The following PM20D2 variants were observed in gnomAD, a reference collection of about 807,000 sequenced individuals.
The protein encoded by PM20D2 is peptidase M20 domain containing 2.
In PM20D2, 33 loss-of-function variants were observed where a neutral mutation model predicts 42.9. The observed-to-expected ratio is 0.77, with a 90% CI of 0.58 to 1.03. PM20D2 has a LOEUF of 1.03. Ranked by LOEUF, PM20D2 falls within the 50% of genes least tolerant of loss-of-function variation. The pLI is 0.00. For synonymous variants in PM20D2, 250 were observed against 228.2 expected (o/e 1.10, Z -0.86); for missense variants, 548 against 557.0 (o/e 0.98, Z 0.16).
At chr6:89,118,767 G>T in the PM20D2 span, among the ~76,000 whole-genome samples, 1 of 152,342 alleles carries the variant, frequency 6.6e-6, no homozygotes, top group South Asian at 2.1e-4. Flanking sequence ...AACAGGCCAA[G>T]CCCCGCCCTC....
the PM20D2 span, among the ~76,000 whole-genome samples, chr6:89,094,179 C>T: frequency 6.6e-6 from 1 of 151,758 alleles, no homozygotes; most frequent in Non-Finnish European, 1.5e-5. Context: ...CCTCAGCCTA[C>T]CAAAGTGCTG....
the PM20D2 span, among the ~76,000 whole-genome samples, chr6:89,125,768 A>G: frequency 0.017 from 2,309 of 139,840 alleles, 56 homozygotes; most frequent in African/African-American, 0.057. Flanking sequence ...GGGCAACAAC[A>G]GCAAAACTCT....
chr6:89,117,697 G>A, the PM20D2 span: 10 of 964,138 alleles, frequency 1.0e-5, no homozygotes, highest in Admixed American at 1.7e-4. Context: ...AAGTGGCGCA[G>A]CCTGGGCCCG....
At chr6:89,115,736 A>G in the PM20D2 span, among the ~76,000 whole-genome samples, 3 of 147,644 alleles carry the variant, frequency 2.0e-5, no homozygotes, top group African/African-American at 7.6e-5. Context: ...TCCCGGGTTC[A>G]CACCATTATC....
rs1714702944 is a variant in PM20D2 at position 89,154,766 on chromosome 6, G to T, written c.776G>T (p.Gly259Val). Residue 259 changes from glycine (G) to valine (V), a missense_variant, in exon 4 of 7, where the codon GGT becomes GTT. Gly to Val is a moderately radical substitution (Grantham distance 109). Around this residue, in one of 3 missense-constraint regions of PM20D2, gnomAD observed 470 missense variants for 464.4 expected, o/e 1.01. Transcript: ENST00000275072. ...WRVHGIIKNGGVKPNIIPSYS... is the reference protein window; with the variant it reads ...WRVHGIIKNGVVKPNIIPSYS... Reference sequence around the variant, plus strand: ...TTTATAGGTATAATAAAAAATGGTGGTGTAAAACCCAATATCATTCCCTCT... The same window carrying T: ...TTTATAGGTATAATAAAAAATGGTGTTGTAAAACCCAATATCATTCCCTCT... The T allele has an allele frequency of 1.0e-5, 16 of 1,552,086 alleles. No homozygotes were observed. The highest frequency in any genetic ancestry group is 1.4e-5 in the Non-Finnish European group (16 of 1,148,746).
At chr6:89,098,762 T>C in the PM20D2 span, 127 of 1,614,010 alleles carry the variant, frequency 7.9e-5, no homozygotes, top group East Asian at 2.0e-3. Flanking sequence ...AGTCTGCTTT[T>C]GAGGTGAACT....
intron 4 of PM20D2, among the ~76,000 whole-genome samples, chr6:89,157,621 C>CT (rs915506024): frequency 5.3e-5 from 8 of 152,062 alleles, no homozygotes; most frequent in Admixed American, 2.0e-4. Context: ...AGCTTAATTT[C>CT]TTTTTTTTGG....
chr6:89,155,847 G>T (rs1414954847), intron 4 of PM20D2, among the ~76,000 whole-genome samples: 3 of 151,542 alleles, frequency 2.0e-5, no homozygotes, highest in Non-Finnish European at 4.4e-5. Context: ...AAGTAGCTGG[G>T]ACTACAGGCG....
rs1771354914 is a variant in PM20D2 at position 89,164,789 on chromosome 6, TCTC to T, written c.*2527_*2529del. 6.6e-6 allele frequency: 1 copy of T among 152,282 alleles called. No individual in the cohort carries two copies. Among genetic ancestry groups the T allele is most frequent in the South Asian group, 2.1e-4 (1 of 4,828 alleles). 9.4% of individuals were successfully genotyped at this position (152,282 alleles called of 1,614,324 possible). On this transcript the variant is annotated 3_prime_UTR_variant, in exon 7 of 7. Coordinates refer to ENST00000275072, the MANE Select transcript of PM20D2 (RefSeq NM_001010853.3). ...TTATGTAAAATTATGTGTATTTTCT[TCTC>T]TTTTACATAAATTGTTTGTGAAAAG...
At chr6:89,119,885 G>A in the PM20D2 span, among the ~76,000 whole-genome samples, 1 of 152,166 alleles carries the variant, frequency 6.6e-6, no homozygotes, top group Admixed American at 6.5e-5. Flanking sequence ...AGGCTCAAGT[G>A]ATCCTCCTGC....
the PM20D2 span, among the ~76,000 whole-genome samples, chr6:89,106,341 G>A: frequency 6.6e-6 from 1 of 152,088 alleles, no homozygotes; most frequent in Non-Finnish European, 1.5e-5. Context: ...TCAAACTCCT[G>A]ACCTGAGGTG....
intron 1 of PM20D2, among the ~76,000 whole-genome samples, chr6:89,148,221 C>T (rs114936542): frequency 8.6e-5 from 13 of 151,940 alleles, no homozygotes; most frequent in Non-Finnish European, 1.3e-4. Flanking sequence ...TCGGGTGATT[C>T]GCCCACCTCG....
At chr6:89,115,631 CT>C in the PM20D2 span, among the ~76,000 whole-genome samples, 6,802 of 128,208 alleles carry the variant, frequency 0.053, 169 homozygotes, top group African/African-American at 0.12. Flanking sequence ...TTTTTTCTTT[CT>C]TTTTTTTTTT....
the PM20D2 span, among the ~76,000 whole-genome samples, chr6:89,140,150 GT>G: frequency 1.3e-5 from 2 of 152,000 alleles, no homozygotes; most frequent in Admixed American, 1.3e-4. Context: ...GTCTCACCAT[GT>G]TGCTCAGGCT....
the PM20D2 span, among the ~76,000 whole-genome samples, chr6:89,137,486 C>G: frequency 6.6e-6 from 1 of 152,170 alleles, no homozygotes. Flanking sequence ...GTGGATGATC[C>G]TATCATGCAA....
chr6:89,127,670 T>C, the PM20D2 span, among the ~76,000 whole-genome samples: 2 of 152,182 alleles, frequency 1.3e-5, no homozygotes, highest in African/African-American at 2.4e-5. Context: ...TAGCTCAGCA[T>C]TGGTTAATAG....
Position 89,154,856 on chromosome 6 carries a change from A to G in PM20D2, c.866A>G (p.Lys289Arg), listed in dbSNP as rs1293226664. Residue 289 changes from lysine (K) to arginine (R), a missense_variant, in exon 4 of 7, where the codon AAG becomes AGG. Coordinates refer to ENST00000275072, the MANE Select transcript of PM20D2 (RefSeq NM_001010853.3). ...SMKELQVLTKKAEDCFRAAAL... is the reference protein window; with the variant it reads ...SMKELQVLTKRAEDCFRAAAL... The stretch of plus-strand genomic sequence containing the variant: ...AAAGAACTTCAAGTTTTGACCAAAA[A>G]GGCAGAAGATTGCTTCAGAGCTGCA... 9 of 1,609,076 alleles carry G rather than the reference A, an allele frequency of 5.6e-6. No individual in the cohort carries two copies. In the Admixed American group the frequency reaches 1.4e-4, roughly 24 times the overall value.
Position 89,146,317 on chromosome 6 carries a change from C to T in PM20D2, c.173C>T (p.Ala58Val). The change falls in exon 1 of 7, where the codon GCC becomes GTC. Residue 58 changes from alanine (A) to valine (V), a missense_variant. By Grantham distance (64) the Ala-to-Val change is moderately conservative. Around this residue, in one of 3 missense-constraint regions of PM20D2, gnomAD observed 470 missense variants for 464.4 expected, o/e 1.01. Transcript: ENST00000275072. ...GAGCTGGCCTACGAGGAGCACCATG[C>T]CCACCGCGTGCTGACGCACTTCTTC... ...QPELAYEEHH[A>V]HRVLTHFFER... is the part of the protein sequence containing the mutation. 6.3e-7 allele frequency: 1 copy of T among 1,578,646 alleles called. No homozygotes were observed. The highest frequency in any genetic ancestry group is 8.5e-7 in the Non-Finnish European group (1 of 1,170,634).
chr6:89,158,449 A>G lies in PM20D2; in HGVS notation c.1037A>G (p.Asn346Ser), dbSNP rs141309555. 2 of 1,601,948 alleles carry G rather than the reference A, an allele frequency of 1.2e-6. No homozygotes were observed. The highest frequency in any genetic ancestry group is 1.7e-6 in the Non-Finnish European group (2 of 1,177,650). ...TTCATTTCAGAAGATACAATGTTGAATGGCCCTTCAGGTAATTAAGTGTTT... is the reference window on the plus strand; with the variant it reads ...TTCATTTCAGAAGATACAATGTTGAGTGGCCCTTCAGGTAATTAAGTGTTT... ...IEFISEDTMLNGPSGSTDFGN... is the reference protein window; with the variant it reads ...IEFISEDTMLSGPSGSTDFGN... The change falls in exon 5 of 7, where the codon AAT becomes AGT. Residue 346 changes from asparagine (N) to serine (S), a missense_variant. By Grantham distance (46) the Asn-to-Ser change is conservative. Around this residue, in one of 3 missense-constraint regions of PM20D2, gnomAD observed 470 missense variants for 464.4 expected, o/e 1.01. Coordinates refer to ENST00000275072, the MANE Select transcript of PM20D2 (RefSeq NM_001010853.3).
Sources: allele counts gnomAD v4.1 joint callset (sites outside exome capture counted in the v4.1 genomes callset), GRCh38; gene constraint gnomAD v4.1.1; regional missense constraint gnomAD v4.1.1; transcripts MANE v1.5; gene names NCBI Gene and HGNC (gene_info 2026-07-23, HGNC 2026-07-21).